TTC7B: variants seen among roughly 807,000 people sequenced by gnomAD.
TTC7B encodes tetratricopeptide repeat domain 7B.
TTC7B carries 28 observed loss-of-function variants against 106.8 expected under a neutral mutation model. That is an observed-to-expected ratio of 0.26 (90% confidence interval 0.19 to 0.36). TTC7B has a LOEUF of 0.36. Among genes scored for constraint, TTC7B ranks in the 10% least tolerant of loss-of-function variants. The pLI is 1.00. For missense variants in TTC7B, 862 were observed against 1,076.4 expected, an observed-to-expected ratio of 0.80 and a Z score of 2.79; for synonymous variants, 405 against 430.6, an observed-to-expected ratio of 0.94 and a Z score of 0.74.
Position 90,536,614 on chromosome 14 carries a change from T to A in TTC7B, c.*4754A>T, listed in dbSNP as rs1889424982. On this transcript the variant is annotated 3_prime_UTR_variant, in exon 20 of 20. Transcript: ENST00000328459. ...CTCCCCTCCCTCACACCCAGCTCCA[T>A]GTGTGAGCAACCCTCTTGGCTCTGT... 6.6e-6 allele frequency: 1 copy of A among 152,546 alleles called. No individual in the cohort carries two copies. The allele number at this position is 152,546 out of a possible 1,614,324, so 9.4% of individuals were successfully genotyped here.
Position 90,783,943 on chromosome 14 carries a change from A to T in TTC7B, c.276+2231T>A, listed in dbSNP as rs146017394. Among the ~76,000 whole-genome samples, 108 of 152,272 alleles carry T rather than the reference A, an allele frequency of 7.1e-4. No homozygotes were observed. In the East Asian group the frequency reaches 0.012, roughly 16 times the overall value. The stretch of plus-strand genomic sequence containing the variant: ...GTCTCAAAATAAATAAATAAATAAA[A>T]AATAAAATAAATTCAATGGGCTTAC... On this transcript the variant is annotated intron_variant, in intron 2 of 19. Transcript: ENST00000328459.
chr14:90,797,290 T>TA (rs113392615), intron 1 of TTC7B, among the ~76,000 whole-genome samples: 8,294 of 48,464 alleles, frequency 0.17, 2,197 homozygotes, highest in Middle Eastern at 0.25. Context: ...CCATCTCTAC[T>TA]AAAAAAAAAT....
rs1891326216 is a variant in TTC7B, at chr14:90,577,999, T to C, written c.2310+107A>G. Reference sequence around the variant, plus strand: ...GTGACAGCCTGGCAAGCTAACTGCATGGGGCCTTTGGAAGCAGAAGAGGGT... The same window carrying C: ...GTGACAGCCTGGCAAGCTAACTGCACGGGGCCTTTGGAAGCAGAAGAGGGT... On this transcript the variant is annotated intron_variant, in intron 19 of 19. Coordinates refer to ENST00000328459, the MANE Select transcript of TTC7B (RefSeq NM_001010854.2). This position sits in a 1 kb window ranked among gnomAD's most constrained non-coding sequence, Gnocchi z 5.0. 1 of 1,355,350 alleles carries C rather than the reference T, an allele frequency of 7.4e-7. No homozygotes were observed. The highest frequency in any genetic ancestry group is 1.4e-5 in the African/African-American group (1 of 69,588). The allele number at this position is 1,355,350 out of a possible 1,614,324, so 84.0% of individuals were successfully genotyped here. A position where few individuals can be genotyped will look rare whatever the true frequency, so the allele number is the denominator to read the frequency against.
At chr14:90,626,586 T>C (rs796525468) in intron 15 of TTC7B, among the ~76,000 whole-genome samples, 51 of 152,306 alleles carry the variant, frequency 3.3e-4, no homozygotes, top group African/African-American at 1.2e-3. Flanking sequence ...CCCCAGGGGC[T>C]GAGAACTCAA....
chr14:90,611,841 T>C (rs2139842678), intron 16 of TTC7B, among the ~76,000 whole-genome samples: 1 of 152,342 alleles, frequency 6.6e-6, no homozygotes, highest in East Asian at 1.9e-4. Context: ...TTTATTCCTG[T>C]ATCGTGATAT....
chr14:90,544,688 C>T (rs1172148226), intron 19 of TTC7B, among the ~76,000 whole-genome samples: 2 of 152,178 alleles, frequency 1.3e-5, no homozygotes, highest in Non-Finnish European at 2.9e-5. Flanking sequence ...CGAGAACGTT[C>T]CAACGTAACT....
chr14:90,722,440 C>A (rs1008897626), intron 5 of TTC7B, among the ~76,000 whole-genome samples: 1 of 152,184 alleles, frequency 6.6e-6, no homozygotes, highest in Admixed American at 6.5e-5. Flanking sequence ...TTCCCAAAAC[C>A]CCACCTTCCA....
intron 1 of TTC7B, among the ~76,000 whole-genome samples, chr14:90,796,223 A>G (rs1595041094): frequency 6.6e-6 from 1 of 152,228 alleles, no homozygotes; most frequent in East Asian, 1.9e-4. Flanking sequence ...TTCTCAGGGG[A>G]CAGGGGTAAA....
At chr14:90,793,353 G>A (rs565811931) in intron 1 of TTC7B, among the ~76,000 whole-genome samples, 21 of 151,910 alleles carry the variant, frequency 1.4e-4, no homozygotes, top group African/African-American at 5.1e-4. Context: ...GCAAAACCCC[G>A]TCTCTACTAA....
At chr14:90,726,900 T>G (rs955914558) in intron 5 of TTC7B, among the ~76,000 whole-genome samples, 5 of 152,102 alleles carry the variant, frequency 3.3e-5, no homozygotes, top group African/African-American at 1.2e-4. Flanking sequence ...TCTGGGTACA[T>G]TCCAAGTCAG....
intron 9 of TTC7B, among the ~76,000 whole-genome samples, chr14:90,675,643 G>A (rs749743042): frequency 1.3e-5 from 2 of 152,130 alleles, no homozygotes; most frequent in Non-Finnish European, 2.9e-5. Flanking sequence ...CTAATGTGGC[G>A]ATGCACTGGC....
intron 3 of TTC7B, among the ~76,000 whole-genome samples, chr14:90,746,470 T>C (rs1023417892): frequency 6.6e-6 from 1 of 152,196 alleles, no homozygotes; most frequent in Admixed American, 6.5e-5. Flanking sequence ...TTCTTCCTGA[T>C]ATCAGAGGTT....
Position 90,707,889 on chromosome 14 carries a change from G to A in TTC7B, c.699-12311C>T, listed in dbSNP as rs554004464. Reference sequence around the variant, plus strand: ...TGGAAAGGTGTGGTGGCTCACGCCTGTAATCCCAGCACTTTGGGAGGCCGA... The same window carrying A: ...TGGAAAGGTGTGGTGGCTCACGCCTATAATCCCAGCACTTTGGGAGGCCGA... On this transcript the variant is annotated intron_variant, in intron 5 of 19. Transcript: ENST00000328459. Among the ~76,000 whole-genome samples, 4 of 152,328 alleles carry A rather than the reference G, an allele frequency of 2.6e-5. No individual in the cohort carries two copies. The East Asian group carries it at 5.8e-4, about 22-fold the overall frequency.
chr14:90,628,494 G>T (rs915478061), intron 15 of TTC7B, among the ~76,000 whole-genome samples: 1 of 152,190 alleles, frequency 6.6e-6, no homozygotes, highest in Admixed American at 6.5e-5. Flanking sequence ...AGCAGACAAC[G>T]GCAGATGCCA....
chr14:90,567,206 C>G (rs1339881954), intron 19 of TTC7B, among the ~76,000 whole-genome samples: 1 of 152,176 alleles, frequency 6.6e-6, no homozygotes, highest in East Asian at 1.9e-4. Context: ...CTAAGCAACC[C>G]CACCTTGGCA....
intron 19 of TTC7B, among the ~76,000 whole-genome samples, chr14:90,565,413 T>TC (rs1352829989): frequency 6.7e-6 from 1 of 148,554 alleles, no homozygotes; most frequent in Non-Finnish European, 1.5e-5. Flanking sequence ...TTTTTTTTTT[T>TC]TTTTTTTGAG....
intron 4 of TTC7B, among the ~76,000 whole-genome samples, chr14:90,744,059 C>T (rs901786154): frequency 1.3e-5 from 2 of 152,208 alleles, no homozygotes; most frequent in Non-Finnish European, 2.9e-5. Context: ...ATGTACTCAG[C>T]TCGGTCTACT....
intron 15 of TTC7B, among the ~76,000 whole-genome samples, chr14:90,625,112 A>G (rs1414004205): frequency 6.6e-6 from 1 of 152,204 alleles, no homozygotes; most frequent in Non-Finnish European, 1.5e-5. Context: ...ATAATGGATC[A>G]GGCTGAAGGG....
Position 90,816,384 on chromosome 14 carries a change from G to T in TTC7B, c.-89C>A. 1.3e-6 allele frequency: 1 copy of T among 746,344 alleles called. No individual in the cohort carries two copies. 46.2% of individuals were successfully genotyped at this position (746,344 alleles called of 1,614,324 possible). On this transcript the variant is annotated 5_prime_UTR_variant, in exon 1 of 20. Coordinates refer to ENST00000328459, the MANE Select transcript of TTC7B (RefSeq NM_001010854.2). ...TCGCCGCCTCCCGCCGCCGCCGCGG[G>T]CTCGGGCTCCGGCTCCCGGCTCCGC...
Sources: allele counts gnomAD v4.1 joint callset (sites outside exome capture counted in the v4.1 genomes callset), GRCh38; gene constraint gnomAD v4.1.1; non-coding constraint Gnocchi (gnomAD v3.1); transcripts MANE v1.5; gene names NCBI Gene and HGNC (gene_info 2026-07-23, HGNC 2026-07-21).